BIRC6: variants seen among roughly 807,000 people sequenced by gnomAD.
BIRC6 encodes the protein dual E2 ubiquitin-conjugating enzyme/E3 ubiquitin-protein ligase BIRC6.
A neutral mutation model predicts 503.3 loss-of-function variants in BIRC6; 98 were observed. The observed-to-expected ratio is 0.19, with a 90% CI of 0.17 to 0.23. The LOEUF (loss-of-function observed/expected upper bound fraction) is 0.23, where lower values mean the gene tolerates loss of function less well. Among genes scored for constraint, BIRC6 ranks in the 10% least tolerant of loss-of-function variants. BIRC6 has a pLI of 1.00. For synonymous variants in BIRC6, 2,240 were observed against 2,078.7 expected (o/e 1.08, Z -2.11); for missense variants, 5,360 against 5,806.0 (o/e 0.92, Z 2.50).
intron 3 of BIRC6, among the ~76,000 whole-genome samples, chr2:32,384,276 C>T (rs114605903): frequency 3.3e-5 from 5 of 152,288 alleles, no homozygotes; most frequent in African/African-American, 4.8e-5. Context: ...TTCAGCATGT[C>T]TCTTTCGGTT....
chr2:32,609,970 TC>T (rs1034952291), intron 72 of BIRC6, among the ~76,000 whole-genome samples: 3 of 152,226 alleles, frequency 2.0e-5, no homozygotes, highest in African/African-American at 7.2e-5. Context: ...CACTCGCTAC[TC>T]TTTGAATGCC....
rs2042272113 is a variant in BIRC6 at position 32,415,224 on chromosome 2, A to G, written c.1933A>G (p.Ile645Val). The part of the protein sequence containing the change: ...IKESDEKAGK[I>V]FSQMNNIMSK... The stretch of plus-strand genomic sequence containing the variant: ...GGAATCTGATGAGAAAGCAGGAAAG[A>G]TCTTTTCACAGATGAACAATATTAT... The change falls in exon 10 of 74, where the codon ATC becomes GTC. Residue 645 changes from isoleucine (I) to valine (V), a missense_variant. Physicochemically the swap from Ile to Val is conservative, Grantham distance 29. Coordinates refer to ENST00000421745, the MANE Select transcript of BIRC6 (RefSeq NM_016252.4). 6.2e-7 allele frequency: 1 copy of G among 1,613,974 alleles called. No homozygotes were observed. The highest frequency in any genetic ancestry group is 1.3e-5 in the African/African-American group (1 of 75,062).
rs527780978 is a variant in BIRC6 at position 32,549,276 on chromosome 2, T to G, written c.12976-37T>G. 19 of 1,375,608 alleles carry G rather than the reference T, an allele frequency of 1.4e-5. No individual in the cohort carries two copies. In the African/African-American group the frequency reaches 1.6e-4, roughly 11 times the overall value. 85.2% of individuals were successfully genotyped at this position (1,375,608 alleles called of 1,614,324 possible). ...CTACAATAAAAACTTTTGAAGTATG[T>G]GAAACTGAAATCCAAATTAATTTCA... On this transcript the variant is annotated intron_variant, in intron 64 of 73. Transcript: ENST00000421745.
At position 32,584,016 on chromosome 2, in the gene BIRC6, G is replaced by A. The variant is rs374279528; in HGVS notation, c.13355+8650G>A. 2.6e-5 allele frequency among the ~76,000 whole-genome samples: 4 copies of A among 152,156 alleles called. No homozygotes were observed. In the East Asian group the frequency reaches 5.8e-4, roughly 22 times the overall value. ...CAAAGTGCTGGCATTACAGGCATGA[G>A]CCACCTTGCCCGGCCTGTAAATTTC... On this transcript the variant is annotated intron_variant, in intron 66 of 73. Transcript: ENST00000421745.
intron 4 of BIRC6, among the ~76,000 whole-genome samples, chr2:32,390,169 T>C (rs1478607930): frequency 6.9e-6 from 1 of 145,848 alleles, no homozygotes; most frequent in Non-Finnish European, 1.5e-5. Flanking sequence ...CAAATTTTCT[T>C]TTTTTTATAT....
In BIRC6 at chr2:32,357,283, G is replaced by T; in HGVS notation, c.122G>T (p.Cys41Phe). ...GCTGCGGCGGCCTCGGGCCCCGGCT[G>T]CTCCTCGGCGGCGGGGGCGGGGGCG... ...AAAAAASGPG[C>F]SSAAGAGAAG... The change falls in exon 1 of 74, where the codon TGC (cysteine) becomes TTC (phenylalanine). Residue 41 changes from cysteine (C) to phenylalanine (F), a missense_variant. Physicochemically the swap from Cys to Phe is radical, Grantham distance 205. This residue lies in a region of BIRC6 where 145 missense variants were observed against 106.9 expected (regional missense o/e 1.36). Coordinates refer to ENST00000421745, the MANE Select transcript of BIRC6 (RefSeq NM_016252.4). This position sits in a 1 kb window ranked among gnomAD's most constrained non-coding sequence, Gnocchi z 4.9. 1 of 1,524,490 alleles carries T rather than the reference G, an allele frequency of 6.6e-7. No homozygotes were observed. The allele number at this position is 1,524,490 out of a possible 1,614,324, so 94.4% of individuals were successfully genotyped here.
intron 45 of BIRC6, among the ~76,000 whole-genome samples, chr2:32,495,990 A>G (rs529026130): frequency 1.3e-5 from 2 of 150,344 alleles, no homozygotes; most frequent in South Asian, 2.1e-4. Context: ...GGTGCCTGCC[A>G]TCACGCCCTG....
At position 32,370,375 on chromosome 2, in the gene BIRC6, C is replaced by A. The variant is rs983602617; in HGVS notation, c.326-7213C>A. 3.5e-4 allele frequency among the ~76,000 whole-genome samples: 54 copies of A among 152,134 alleles called. 1 individual carries two copies. Among genetic ancestry groups the A allele is most frequent in the African/African-American group, 1.3e-3 (52 of 41,436 alleles). On this transcript the variant is annotated intron_variant, in intron 1 of 73. Coordinates refer to ENST00000421745, the MANE Select transcript of BIRC6 (RefSeq NM_016252.4). ...ATGAAGAGAATCATAACTTGGAACT[C>A]TTAATTCCAGTAATTTTGTATCTTT... is the stretch of plus-strand genomic sequence containing the variant.
intron 57 of BIRC6, among the ~76,000 whole-genome samples, chr2:32,520,567 C>T (rs1314192178): frequency 2.0e-5 from 3 of 152,118 alleles, no homozygotes; most frequent in Non-Finnish European, 4.4e-5. Context: ...CCTGTAATCC[C>T]AGCACTTTGC....
Position 32,525,600 on chromosome 2 carries a change from G to A in BIRC6, c.11892G>A (p.Val3964=), listed in dbSNP as rs1474800843. ...EAANKIITVP[V]FHLFHKLLAG... Reference sequence around the variant, plus strand: ...CCAACAAAATAATTACTGTCCCAGTGTTTCACCTGTTTCACAAACTCTTGG... The same window carrying A: ...CCAACAAAATAATTACTGTCCCAGTATTTCACCTGTTTCACAAACTCTTGG... Residue 3964 remains valine (V), a synonymous_variant, in exon 59 of 74, where the codon GTG becomes GTA. Coordinates refer to ENST00000421745, the MANE Select transcript of BIRC6 (RefSeq NM_016252.4). 1 of 1,613,090 alleles carries A rather than the reference G, an allele frequency of 6.2e-7. No homozygotes were observed. Among genetic ancestry groups the A allele is most frequent in the Non-Finnish European group, 8.5e-7 (1 of 1,179,606 alleles).
chr2:32,392,253 CT>C (rs1171864001), intron 5 of BIRC6, 103 bp downstream of exon 5: 1 of 777,710 alleles, frequency 1.3e-6, no homozygotes, highest in African/African-American at 1.7e-5. Flanking sequence ...TTTTGTGCAC[CT>C]TGTATGCTTG....
chr2:32,601,153 T>A (rs1234055355), intron 70 of BIRC6, among the ~76,000 whole-genome samples: 1 of 152,262 alleles, frequency 6.6e-6, no homozygotes, highest in Non-Finnish European at 1.5e-5. Context: ...GCACTTTGAA[T>A]AATACACAAG....
intron 66 of BIRC6, among the ~76,000 whole-genome samples, chr2:32,585,441 G>A (rs986001837): frequency 2.6e-4 from 40 of 151,348 alleles, no homozygotes; most frequent in African/African-American, 9.2e-4. Context: ...GTGCTGTGGC[G>A]TGATCTTGGC....
intron 3 of BIRC6, among the ~76,000 whole-genome samples, chr2:32,381,577 A>G (rs2037665282): frequency 1.5e-5 from 2 of 130,426 alleles, no homozygotes; most frequent in South Asian, 4.7e-4. Context: ...ACAGAGTCTC[A>G]CTCTGTAACC....
intron 29 of BIRC6, 147 bp from the exon 30 acceptor site, chr2:32,469,248 A>G: frequency 3.1e-6 from 2 of 648,850 alleles, no homozygotes; most frequent in South Asian, 2.6e-5. Flanking sequence ...AGATTTCTAC[A>G]TACAAGGAGT....
chr2:32,471,135 G>T lies in BIRC6; in HGVS notation c.6592+11G>T. ...AGAAACCTTTGAATGGTAAAGACAG[G>T]GAGAGGTTTCTGACAGGTATCAGAA... On this transcript the variant is annotated intron_variant, in intron 32 of 73. Transcript: ENST00000421745. The T allele has an allele frequency of 6.4e-7, 1 of 1,557,496 alleles. No homozygotes were observed. The highest frequency in any genetic ancestry group is 2.4e-5 in the East Asian group (1 of 42,024).
chr2:32,596,661 G>A (rs984449152), intron 68 of BIRC6, among the ~76,000 whole-genome samples: 4 of 152,032 alleles, frequency 2.6e-5, no homozygotes, highest in African/African-American at 7.3e-5. Context: ...GTTTGTGTAT[G>A]TGTGTTTCTG....
chr2:32,526,311 A>G (rs1240261557), intron 59 of BIRC6, among the ~76,000 whole-genome samples: 2 of 152,170 alleles, frequency 1.3e-5, no homozygotes, highest in Admixed American at 6.5e-5. Context: ...GCAAATGTGC[A>G]TGCCAGACGT....
intron 22 of BIRC6, among the ~76,000 whole-genome samples, chr2:32,450,544 T>C (rs528217972): frequency 3.3e-4 from 50 of 152,286 alleles, no homozygotes; most frequent in Middle Eastern, 3.4e-3. Context: ...GCATTTTTTG[T>C]TGTTGTTGTT....
Sources: gnomAD v4.1 joint callset for allele counts (sites outside exome capture counted in the v4.1 genomes callset) on GRCh38, gnomAD v4.1.1 for gene constraint, gnomAD v4.1.1 regional missense constraint, Gnocchi (gnomAD v3.1) non-coding constraint, MANE v1.5 for transcripts, NCBI Gene and HGNC (gene_info 2026-07-23, HGNC 2026-07-21) for gene names.